NOS1: variants seen among roughly 807,000 people sequenced by gnomAD.
NOS1 encodes NOS type I.
In NOS1, 51 loss-of-function variants were observed where a neutral mutation model predicts 164.5. The ratio of observed to expected loss-of-function variants is 0.31; its 90% confidence interval spans 0.25 to 0.39. The LOEUF (loss-of-function observed/expected upper bound fraction) is 0.39. Ranked by LOEUF, NOS1 falls within the 10% of genes least tolerant of loss-of-function variation. The pLI is 1.00. For missense variants in NOS1, 1,362 were observed against 1,885.6 expected (o/e 0.72, Z 5.14); for synonymous variants, 719 against 745.8 (o/e 0.96, Z 0.59).
intron 7 of NOS1, among the ~76,000 whole-genome samples, chr12:117,283,792 GT>G (rs1372502204): frequency 3.4e-5 from 5 of 148,002 alleles, no homozygotes; most frequent in African/African-American, 1.0e-4. Flanking sequence ...GGAGGTGGAG[GT>G]TGCAGTGAGC....
intron 10 of NOS1, among the ~76,000 whole-genome samples, chr12:117,270,315 G>A (rs1872701990): frequency 6.6e-6 from 1 of 152,068 alleles, no homozygotes; most frequent in African/African-American, 2.4e-5. Flanking sequence ...ATAATGACAG[G>A]TGGAATTGGA....
chr12:117,273,013 C>G (rs918972758), intron 9 of NOS1, among the ~76,000 whole-genome samples: 2 of 152,200 alleles, frequency 1.3e-5, no homozygotes, highest in African/African-American at 4.8e-5. Context: ...GTCATGCAGG[C>G]TTCCTCCTGG....
intron 2 of NOS1, among the ~76,000 whole-genome samples, chr12:117,325,862 G>A (rs931569192): frequency 3.3e-5 from 5 of 152,196 alleles, no homozygotes; most frequent in South Asian, 2.1e-4. Flanking sequence ...CAGTGCAGTC[G>A]TGTCTGAGCA....
At chr12:117,345,312 C>T (rs1207466258) in intron 1 of NOS1, among the ~76,000 whole-genome samples, 4 of 152,094 alleles carry the variant, frequency 2.6e-5, no homozygotes, top group African/African-American at 7.2e-5. Context: ...CGTGAGCCAC[C>T]GCGCCCGGCT....
At position 117,282,561 on chromosome 12, in the gene NOS1, G is replaced by A. The variant is rs560706302; in HGVS notation, c.1383-1695C>T. Among the ~76,000 whole-genome samples the A allele has an allele frequency of 2.2e-4, 34 of 152,186 alleles. No individual in the cohort carries two copies. In the South Asian group the frequency reaches 6.6e-3, roughly 30 times the overall value. On this transcript the variant is annotated intron_variant, in intron 7 of 28. Coordinates refer to ENST00000317775, the MANE Select transcript of NOS1 (RefSeq NM_000620.5). ...TTCATAGAGCCTTCTTTCTGAGCAC[G>A]GTTTTTAGGTCTTGCTCTCTACACA...
rs572371433 is a variant in NOS1 at position 117,297,759 on chromosome 12, A to AT, written c.853-7334dup. Among the ~76,000 whole-genome samples the AT allele has an allele frequency of 1.8e-3, 280 of 152,092 alleles. 1 individual carries two copies. Among genetic ancestry groups the AT allele is most frequent in the African/African-American group, 6.3e-3 (262 of 41,486 alleles). On this transcript the variant is annotated intron_variant, in intron 3 of 28. Transcript: ENST00000317775. The stretch of plus-strand genomic sequence containing the variant: ...TGTGCTGGGCAGTGGACAGAGGGAG[A>AT]TTTTTTAGGCAAGAAGACAGAAACT...
At chr12:117,255,489 C>T (rs1871366601) in intron 16 of NOS1, among the ~76,000 whole-genome samples, 1 of 152,164 alleles carries the variant, frequency 6.6e-6, no homozygotes, top group Admixed American at 6.6e-5. Flanking sequence ...GTTTTCGCTC[C>T]AGCATCAGGA....
chr12:117,320,551 C>T (rs949851978), intron 2 of NOS1, among the ~76,000 whole-genome samples: 3 of 151,996 alleles, frequency 2.0e-5, no homozygotes, highest in Admixed American at 1.3e-4. Flanking sequence ...GACTTAAGAC[C>T]GTCAGAATGA....
chr12:117,357,013 T>C (rs946672409), intron 1 of NOS1, among the ~76,000 whole-genome samples: 6 of 152,178 alleles, frequency 3.9e-5, no homozygotes, highest in African/African-American at 9.7e-5. Context: ...TTATACCTGA[T>C]AGGTCACTTA....
intron 16 of NOS1, among the ~76,000 whole-genome samples, chr12:117,256,579 CAG>C (rs1871476152): frequency 6.6e-6 from 1 of 151,780 alleles, no homozygotes; most frequent in South Asian, 2.1e-4. Context: ...TGTCTGGCCT[CAG>C]AAGGGATTTT....
intron 2 of NOS1, among the ~76,000 whole-genome samples, chr12:117,328,010 G>T (rs192567757): frequency 6.6e-6 from 1 of 152,096 alleles, no homozygotes; most frequent in East Asian, 1.9e-4. Context: ...GGCCATCAAA[G>T]GGCAGTTTGG....
At chr12:117,302,594 C>CAAAAAA (rs144113071) in intron 3 of NOS1, among the ~76,000 whole-genome samples, 3 of 72,964 alleles carry the variant, frequency 4.1e-5, no homozygotes, top group South Asian at 5.1e-4. Flanking sequence ...GACTCCGTCT[C>CAAAAAA]AAAAAAAAAA....
intron 1 of NOS1, among the ~76,000 whole-genome samples, chr12:117,337,106 CTTTTTTTTTTT>C (rs36054002): frequency 0.19 from 12,068 of 64,884 alleles, 847 homozygotes; most frequent in East Asian, 0.36. Context: ...GCTTTTTACT[CTTTTTTTTTTT>C]TTTTTTTTTT....
intron 2 of NOS1, among the ~76,000 whole-genome samples, chr12:117,329,812 A>G (rs1875439629): frequency 6.6e-6 from 1 of 152,212 alleles, no homozygotes; most frequent in African/African-American, 2.4e-5. Context: ...CTACTCCTTC[A>G]GAATTTTACG....
chr12:117,241,861 T>C (rs1870203731), intron 20 of NOS1, among the ~76,000 whole-genome samples: 1 of 152,210 alleles, frequency 6.6e-6, no homozygotes, highest in Non-Finnish European at 1.5e-5. Flanking sequence ...TCACATGCTC[T>C]CCACTGCACT....
At chr12:117,227,923 T>C (rs1868847347) in intron 22 of NOS1, among the ~76,000 whole-genome samples, 1 of 151,804 alleles carries the variant, frequency 6.6e-6, no homozygotes, top group Admixed American at 6.6e-5. Flanking sequence ...CCCAGTTTCT[T>C]GGGAGGATGA....
At chr12:117,217,031 T>C (rs953348481) in intron 28 of NOS1, among the ~76,000 whole-genome samples, 13 of 152,056 alleles carry the variant, frequency 8.5e-5, no homozygotes, top group South Asian at 2.1e-4. Flanking sequence ...CGGGGAGCAC[T>C]GGGAAGTGAA....
Position 117,213,073 on chromosome 12 carries a change from G to A in NOS1, c.*2236C>T. The A allele has an allele frequency of 8.1e-6, 8 of 985,472 alleles. No homozygotes were observed. Among genetic ancestry groups the A allele is most frequent in the Non-Finnish European group, 9.6e-6 (8 of 829,952 alleles). 61.0% of individuals were successfully genotyped at this position (985,472 alleles called of 1,614,324 possible). On this transcript the variant is annotated 3_prime_UTR_variant, in exon 29 of 29. Coordinates refer to ENST00000317775, the MANE Select transcript of NOS1 (RefSeq NM_000620.5). Reference sequence around the variant, plus strand: ...GTTTCCATCTGTCTGCTACTAGAAAGGCAGGCACATGCAGAAAGGAGGTGC... The same window carrying A: ...GTTTCCATCTGTCTGCTACTAGAAAAGCAGGCACATGCAGAAAGGAGGTGC...
chr12:117,248,333 C>G (rs9658459), intron 17 of NOS1, among the ~76,000 whole-genome samples: 1 of 151,094 alleles, frequency 6.6e-6, no homozygotes, highest in African/African-American at 2.5e-5. Context: ...TCTCCCAATG[C>G]TATCCCTCCC....
Sources: allele counts gnomAD v4.1 joint callset (sites outside exome capture counted in the v4.1 genomes callset), GRCh38; gene constraint gnomAD v4.1.1; transcripts MANE v1.5; gene names NCBI Gene and HGNC (gene_info 2026-07-23, HGNC 2026-07-21).